TNIP1: variants seen among roughly 807,000 people sequenced by gnomAD.
TNIP1 encodes the protein TNFAIP3-interacting protein 1.
In TNIP1, 22 loss-of-function variants were observed where a neutral mutation model predicts 86.6. The observed-to-expected ratio is 0.25, with a 90% CI of 0.18 to 0.36. The LOEUF (loss-of-function observed/expected upper bound fraction) is 0.36, where lower values mean the gene tolerates loss of function less well. Among genes scored for constraint, TNIP1 ranks in the 10% least tolerant of loss-of-function variants. The probability of loss-of-function intolerance (pLI) is 1.00; values close to 1 mark genes in which losing one functional copy is unlikely to be tolerated. For missense variants in TNIP1, 709 were observed against 820.6 expected, an observed-to-expected ratio of 0.86 and a Z score of 1.66; for synonymous variants, 294 against 313.0, an observed-to-expected ratio of 0.94 and a Z score of 0.64.
intron 17 of TNIP1, among the ~76,000 whole-genome samples, chr5:151,031,638 G>A (rs371633221): frequency 2.0e-5 from 3 of 152,248 alleles, no homozygotes; most frequent in East Asian, 1.9e-4. Flanking sequence ...ACCATGCTCC[G>A]CAGGCCTGCA....
At chr5:151,035,118 C>A (rs772121350) in intron 14 of TNIP1, 51 bp from the exon 15 acceptor site, 1 of 1,588,604 alleles carries the variant, frequency 6.3e-7, no homozygotes, top group South Asian at 1.1e-5. Flanking sequence ...TGGTTTCTGG[C>A]CAGGCCTGGA....
intron 2 of TNIP1, 34 bp downstream of exon 2, chr5:151,064,926 G>A (rs749861931): frequency 1.2e-6 from 2 of 1,613,260 alleles, no homozygotes; most frequent in East Asian, 2.2e-5. Context: ...TGCAGGGAGG[G>A]GCGCTCGCAG....
chr5:151,070,056 T>TCCA (rs374441351), intron 1 of TNIP1, among the ~76,000 whole-genome samples: 2 of 152,186 alleles, frequency 1.3e-5, no homozygotes, highest in African/African-American at 2.4e-5. Context: ...CTCAGCTCTG[T>TCCA]CCACCCTGTG....
upstream of TNIP1, among the ~76,000 whole-genome samples, chr5:151,081,609 T>G (rs1172638049): frequency 6.6e-6 from 1 of 152,230 alleles, no homozygotes; most frequent in Non-Finnish European, 1.5e-5. Context: ...GTAAACGCTT[T>G]GCTCCAGACA....
At chr5:151,043,903 A>G (rs923171012) in intron 9 of TNIP1, among the ~76,000 whole-genome samples, 4 of 152,222 alleles carry the variant, frequency 2.6e-5, no homozygotes, top group African/African-American at 9.6e-5. Flanking sequence ...AAACAACCCT[A>G]CATCATCAAC....
At chr5:151,067,774 C>A (rs896943593) in intron 1 of TNIP1, among the ~76,000 whole-genome samples, 3 of 152,178 alleles carry the variant, frequency 2.0e-5, no homozygotes, top group Non-Finnish European at 2.9e-5. Context: ...AAGCCCTTGA[C>A]CCCGACCCCG....
At chr5:151,034,358 G>A in intron 15 of TNIP1, 1 of 305,462 alleles carries the variant, frequency 3.3e-6, no homozygotes, top group Non-Finnish European at 6.2e-6. Context: ...GACACGGAAG[G>A]CTGGTACATG....
In TNIP1 at chr5:151,037,806, C is replaced by T. The variant is rs116526103; in HGVS notation, c.1264-885G>A. 3.1e-3 allele frequency among the ~76,000 whole-genome samples: 474 copies of T among 152,314 alleles called. 1 individual carries two copies. The highest frequency in any genetic ancestry group is 0.011 in the African/African-American group (460 of 41,570). ...CTGGCCCAACTTGGACTCGGGCTTCCACCTGGTCTCCTCAGCTCCCCTAGA... is the reference window on the plus strand; with the variant it reads ...CTGGCCCAACTTGGACTCGGGCTTCTACCTGGTCTCCTCAGCTCCCCTAGA... On this transcript the variant is annotated intron_variant, in intron 12 of 17. Coordinates refer to ENST00000521591, the MANE Select transcript of TNIP1 (RefSeq NM_006058.5).
At chr5:151,056,428 G>A (rs1760663334) in intron 6 of TNIP1, among the ~76,000 whole-genome samples, 1 of 152,154 alleles carries the variant, frequency 6.6e-6, no homozygotes, top group African/African-American at 2.4e-5. Flanking sequence ...GCCTACCCTG[G>A]GGGGAAAGAG....
At chr5:151,031,826 C>A (rs949898953) in intron 17 of TNIP1, among the ~76,000 whole-genome samples, 1 of 152,206 alleles carries the variant, frequency 6.6e-6, no homozygotes, top group African/African-American at 2.4e-5. Context: ...TCCACCCCTA[C>A]CTCTCCACCT....
Position 151,052,213 on chromosome 5 carries a change from T to G in TNIP1, c.674A>C (p.Lys225Thr). ...CCGCTGTTCCAGGCCCTTATCCAAC[T>G]TGGCCTTCAGAGCCTCGTTCTCCTT... ...LRKENEALKA[K>T]LDKGLEQRDQ... The change falls in exon 7 of 18, where the codon AAG becomes ACG. Residue 225 changes from lysine (K) to threonine (T), a missense_variant. By Grantham distance (78) the Lys-to-Thr change is moderately conservative. Coordinates refer to ENST00000521591, the MANE Select transcript of TNIP1 (RefSeq NM_006058.5). 2 of 1,614,056 alleles carry G rather than the reference T, an allele frequency of 1.2e-6. No individual in the cohort carries two copies. The highest frequency in any genetic ancestry group is 2.2e-5 in the East Asian group (1 of 44,870).
chr5:151,069,769 C>T (rs1344682298), intron 1 of TNIP1, among the ~76,000 whole-genome samples: 1 of 152,168 alleles, frequency 6.6e-6, no homozygotes, highest in Non-Finnish European at 1.5e-5. Flanking sequence ...GAGGTCTATT[C>T]TAGTGTCTAC....
chr5:151,055,508 T>C (rs1382950233), intron 6 of TNIP1, among the ~76,000 whole-genome samples: 1 of 152,106 alleles, frequency 6.6e-6, no homozygotes, highest in Non-Finnish European at 1.5e-5. Context: ...CTCACTGACA[T>C]CTTAAAGGGG....
intron 11 of TNIP1, among the ~76,000 whole-genome samples, chr5:151,042,132 G>T (rs1758498514): frequency 6.6e-6 from 1 of 151,962 alleles, no homozygotes; most frequent in Non-Finnish European, 1.5e-5. Flanking sequence ...GTAGAGATGG[G>T]ATTTCATCAT....
chr5:151,077,296 C>T (rs772161235), intron 1 of TNIP1, among the ~76,000 whole-genome samples: 20 of 152,170 alleles, frequency 1.3e-4, no homozygotes, highest in South Asian at 4.1e-4. Flanking sequence ...AGAGGGATTA[C>T]GTTTCCAAGA....
upstream of TNIP1, among the ~76,000 whole-genome samples, chr5:151,083,229 G>T (rs1014505642): frequency 6.6e-6 from 1 of 152,204 alleles, no homozygotes; most frequent in Admixed American, 6.5e-5. Flanking sequence ...GAAAATGGGG[G>T]ATAATATACC....
At chr5:151,071,441 G>A (rs1014078180) in intron 1 of TNIP1, among the ~76,000 whole-genome samples, 2 of 152,074 alleles carry the variant, frequency 1.3e-5, no homozygotes, top group African/African-American at 4.8e-5. Context: ...GTAATAACAT[G>A]GGGGGTTGTG....
At chr5:151,073,487 G>T (rs1329920148) in intron 1 of TNIP1, among the ~76,000 whole-genome samples, 1 of 151,876 alleles carries the variant, frequency 6.6e-6, no homozygotes, top group Non-Finnish European at 1.5e-5. Context: ...GAATGGGGTA[G>T]ATTGCTTGGC....
At chr5:151,047,231 A>G (rs996930832) in intron 8 of TNIP1, among the ~76,000 whole-genome samples, 7 of 152,244 alleles carry the variant, frequency 4.6e-5, no homozygotes, top group African/African-American at 1.7e-4. Flanking sequence ...TGATGTACAC[A>G]GAACGTCACC....
Sources: allele counts gnomAD v4.1 joint callset (sites outside exome capture counted in the v4.1 genomes callset), GRCh38; gene constraint gnomAD v4.1.1; transcripts MANE v1.5; gene names NCBI Gene and HGNC (gene_info 2026-07-23, HGNC 2026-07-21).